Variants in COLEC10 observed in about 807,000 individuals in gnomAD.
COLEC10 encodes the protein collectin-10.
COLEC10 carries 22 observed loss-of-function variants against 28.4 expected under a neutral mutation model. The observed-to-expected ratio is 0.78, with a 90% CI of 0.55 to 1.11. COLEC10 has a LOEUF of 1.11. Ranked by LOEUF, COLEC10 falls within the 50% of genes least tolerant of loss-of-function variation. COLEC10 has a pLI of 0.00. For synonymous variants in COLEC10, 125 were observed against 116.1 expected (o/e 1.08, Z -0.49); for missense variants, 361 against 344.1 (o/e 1.05, Z -0.39).
chr8:119,026,990 T>C (rs1015057954), intron 2 of COLEC10, among the ~76,000 whole-genome samples: 24 of 152,164 alleles, frequency 1.6e-4, no homozygotes, highest in African/African-American at 5.6e-4. Flanking sequence ...AAATATGCTG[T>C]GGTCCTAAAG....
intron 2 of COLEC10, among the ~76,000 whole-genome samples, chr8:119,015,988 A>G (rs1302003704): frequency 6.6e-6 from 1 of 152,204 alleles, no homozygotes; most frequent in Non-Finnish European, 1.5e-5. Flanking sequence ...GACAATAGGT[A>G]TGCTATCATT....
At chr8:119,085,514 G>C (rs540373023) in intron 1 of COLEC10, among the ~76,000 whole-genome samples, 1 of 151,974 alleles carries the variant, frequency 6.6e-6, no homozygotes, top group South Asian at 2.1e-4. Flanking sequence ...TTTTAGGCAG[G>C]AGTTCTTGCC....
chr8:118,992,991 C>G (rs1202453795), upstream of COLEC10, among the ~76,000 whole-genome samples: 1 of 152,148 alleles, frequency 6.6e-6, no homozygotes, highest in Admixed American at 6.5e-5. Flanking sequence ...AGCAGCTCTA[C>G]AATGGAATGG....
At chr8:119,041,991 GTTTTTGGTTT>G (rs1204927833) in intron 2 of COLEC10, among the ~76,000 whole-genome samples, 3 of 151,856 alleles carry the variant, frequency 2.0e-5, no homozygotes. Context: ...GGAAGCAATT[GTTTTTGGTTT>G]TTTTTGGTTT....
At position 119,105,788 on chromosome 8, in the gene COLEC10, C is replaced by T. The variant is rs1170536934; in HGVS notation, c.443-12C>T. On this transcript the variant is annotated splice_polypyrimidine_tract_variant and intron_variant, in intron 5 of 5. Transcript: ENST00000332843. ...GAGATACGTAATGATACTCCTTTTT[C>T]TCTCCCTGCAGTGATAGCAGGGATT... The T allele has an allele frequency of 1.3e-6, 2 of 1,578,956 alleles. No homozygotes were observed. Among genetic ancestry groups the T allele is most frequent in the Admixed American group, 3.6e-5 (2 of 55,370 alleles).
chr8:119,066,545 T>C (rs1294831837), upstream of COLEC10, among the ~76,000 whole-genome samples: 5 of 152,226 alleles, frequency 3.3e-5, no homozygotes, highest in Admixed American at 2.6e-4. Context: ...AACACGTTGT[T>C]AGGCAATTGA....
At chr8:118,977,915 T>C in the COLEC10 span, among the ~76,000 whole-genome samples, 1 of 151,996 alleles carries the variant, frequency 6.6e-6, no homozygotes, top group South Asian at 2.1e-4. Flanking sequence ...GTGTAAGATA[T>C]TGTGTAAATG....
At chr8:119,037,630 A>G (rs1214154790) in intron 2 of COLEC10, among the ~76,000 whole-genome samples, 1 of 152,182 alleles carries the variant, frequency 6.6e-6, no homozygotes, top group Admixed American at 6.5e-5. Flanking sequence ...CACATAAAGA[A>G]CATGAGTGAT....
chr8:119,100,750 T>A (rs1247572512), intron 3 of COLEC10, among the ~76,000 whole-genome samples: 1 of 152,200 alleles, frequency 6.6e-6, no homozygotes, highest in African/African-American at 2.4e-5. Context: ...ACAACATGTA[T>A]CACGTTCCAT....
chr8:119,017,097 C>G (rs1344693107), intron 2 of COLEC10, among the ~76,000 whole-genome samples: 1 of 152,044 alleles, frequency 6.6e-6, no homozygotes, highest in East Asian at 1.9e-4. Context: ...CTCTAATGAC[C>G]ATTGATGATG....
At chr8:118,954,112 C>T in the COLEC10 span, among the ~76,000 whole-genome samples, 5 of 152,158 alleles carry the variant, frequency 3.3e-5, no homozygotes, top group Admixed American at 1.3e-4. Flanking sequence ...CTATGGTATT[C>T]GCTGAAGCTT....
chr8:119,008,498 G>A lies in COLEC10; in HGVS notation n.123-943G>A, dbSNP rs191096447. Among the ~76,000 whole-genome samples the A allele has an allele frequency of 2.1e-4, 31 of 146,880 alleles. 2 individuals carry two copies. The highest frequency in any genetic ancestry group is 7.2e-4 in the African/African-American group (28 of 38,658). ...ACTTTTTATTTTTTTTTTTGCCATC[G>A]GGATTTGGCTTGTGCTTAAGGTTTG... On this transcript the variant is annotated intron_variant and non_coding_transcript_variant, in intron 1 of 6. Transcript: ENST00000521788.
chr8:119,064,862 C>A (rs1336817594), upstream of COLEC10, among the ~76,000 whole-genome samples: 3 of 151,652 alleles, frequency 2.0e-5, no homozygotes, highest in Admixed American at 6.6e-5. Context: ...TTTCTTTGAG[C>A]CTCAGCTACT....
intron 1 of COLEC10, among the ~76,000 whole-genome samples, chr8:119,008,888 C>T (rs1001090881): frequency 6.6e-6 from 1 of 151,170 alleles, no homozygotes; most frequent in Non-Finnish European, 1.5e-5. Flanking sequence ...AAAACGTTAT[C>T]TAGCACAGTG....
intron 1 of COLEC10, among the ~76,000 whole-genome samples, chr8:119,069,629 A>AATATAT (rs1207445435): frequency 2.8e-4 from 12 of 42,870 alleles, no homozygotes; most frequent in South Asian, 1.5e-3. Context: ...AAAAAAAAAA[A>AATATAT]ATATATATAT....
chr8:119,016,423 T>TCA (rs1276008985), intron 2 of COLEC10, among the ~76,000 whole-genome samples: 1 of 152,180 alleles, frequency 6.6e-6, no homozygotes, highest in African/African-American at 2.4e-5. Context: ...GTCCAGTCTA[T>TCA]CACTGATAGG....
At chr8:118,972,944 G>C in the COLEC10 span, among the ~76,000 whole-genome samples, 1 of 151,958 alleles carries the variant, frequency 6.6e-6, no homozygotes, top group Admixed American at 6.6e-5. Context: ...AAGAAGTGCT[G>C]AGCAAAAGAG....
chr8:118,983,558 T>C, the COLEC10 span, among the ~76,000 whole-genome samples: 1 of 152,048 alleles, frequency 6.6e-6, no homozygotes, highest in Non-Finnish European at 1.5e-5. Context: ...CCCTGGAACT[T>C]GTGAATAGGA....
intron 2 of COLEC10, among the ~76,000 whole-genome samples, chr8:119,039,606 G>A (rs192901061): frequency 2.0e-5 from 3 of 152,224 alleles, no homozygotes; most frequent in South Asian, 2.1e-4. Context: ...CCATATAATG[G>A]CAACAATTAC....
Sources: allele counts gnomAD v4.1 joint callset (sites outside exome capture counted in the v4.1 genomes callset), GRCh38; gene constraint gnomAD v4.1.1; transcripts MANE v1.5; gene names NCBI Gene and HGNC (gene_info 2026-07-23, HGNC 2026-07-21).